The following DNAH9 variants were observed in gnomAD, a reference collection of about 807,000 sequenced individuals.
The protein encoded by DNAH9 is dynein axonemal heavy chain 9.
In DNAH9, 345 loss-of-function variants were observed where a neutral mutation model predicts 471.6. That is an observed-to-expected ratio of 0.73 (90% CI 0.67 to 0.80). The LOEUF is 0.80. Ranked by LOEUF, DNAH9 falls within the 30% of genes least tolerant of loss-of-function variation. The probability of loss-of-function intolerance (pLI) is 0.00; values close to 1 mark genes in which losing one functional copy is unlikely to be tolerated. For missense variants in DNAH9, 5,407 were observed against 5,609.2 expected (o/e 0.96, Z 1.15); for synonymous variants, 2,093 against 2,123.6 (o/e 0.99, Z 0.40).
chr17:11,656,532 C>A (rs1164802518), intron 14 of DNAH9, among the ~76,000 whole-genome samples: 1 of 152,016 alleles, frequency 6.6e-6, no homozygotes, highest in Non-Finnish European at 1.5e-5. Flanking sequence ...GTGGATGCAC[C>A]AGGATTTGAC....
intron 61 of DNAH9, among the ~76,000 whole-genome samples, chr17:11,918,198 G>T (rs1413544848): frequency 6.9e-6 from 1 of 144,938 alleles, no homozygotes; most frequent in Admixed American, 6.9e-5. Flanking sequence ...GTATTTGGTT[G>T]GGTGTTTTTT....
chr17:11,905,475 A>T (rs1042156569), intron 60 of DNAH9, among the ~76,000 whole-genome samples, 186 bp from the exon 61 acceptor site: 1 of 152,190 alleles, frequency 6.6e-6, no homozygotes, highest in Non-Finnish European at 1.5e-5. Flanking sequence ...GCAGCTCGGC[A>T]ACTAGCAGCA....
At chr17:11,891,753 C>T (rs1476050977) in intron 57 of DNAH9, 24 bp from the exon 58 acceptor site, 1 of 1,611,818 alleles carries the variant, frequency 6.2e-7, no homozygotes, top group Non-Finnish European at 8.5e-7. Flanking sequence ...TGTACCTTAC[C>T]AGTTTCCTGT....
At chr17:11,946,565 G>A (rs1422583911) in intron 67 of DNAH9, among the ~76,000 whole-genome samples, 1 of 151,200 alleles carries the variant, frequency 6.6e-6, no homozygotes, top group Non-Finnish European at 1.5e-5. Context: ...TCGGGAGGCT[G>A]AGGCAGGAGA....
intron 9 of DNAH9, 127 bp from the exon 10 acceptor site, chr17:11,640,143 T>A: frequency 1.6e-6 from 1 of 642,286 alleles, no homozygotes. Context: ...AACTCCAGTG[T>A]GCTCCCAGGT....
chr17:11,900,088 C>T (rs1973355905), intron 59 of DNAH9, among the ~76,000 whole-genome samples: 1 of 117,354 alleles, frequency 8.5e-6, no homozygotes, highest in South Asian at 3.4e-4. Flanking sequence ...GACTTGGCCT[C>T]ATTTTCCAAA....
At chr17:11,887,048 A>G in intron 57 of DNAH9, 83 bp downstream of exon 57, 6 of 1,478,730 alleles carry the variant, frequency 4.1e-6, no homozygotes, top group South Asian at 1.4e-5. Flanking sequence ...GAGCTTATCC[A>G]TGTAAGATCA....
At chr17:11,931,965 G>A (rs775812632) in intron 63 of DNAH9, 49 bp from the exon 64 acceptor site, 45 of 1,597,844 alleles carry the variant, frequency 2.8e-5, no homozygotes, top group Admixed American at 5.0e-5. Context: ...AGCCAGCCCC[G>A]TATAAGAGAA....
At chr17:11,606,155 G>A (rs2072499380) in intron 1 of DNAH9, among the ~76,000 whole-genome samples, 1 of 152,056 alleles carries the variant, frequency 6.6e-6, no homozygotes, top group African/African-American at 2.4e-5. Context: ...ATTGTTGTAA[G>A]TTCCCAGCTC....
intron 58 of DNAH9, among the ~76,000 whole-genome samples, chr17:11,893,295 C>A (rs1187329628): frequency 5.9e-5 from 9 of 152,124 alleles, no homozygotes; most frequent in African/African-American, 1.9e-4. Flanking sequence ...CAAGCCTCTG[C>A]TTTTTCCATT....
intron 49 of DNAH9, among the ~76,000 whole-genome samples, chr17:11,837,160 A>G (rs1257180436): frequency 6.6e-6 from 1 of 152,196 alleles, no homozygotes; most frequent in African/African-American, 2.4e-5. Flanking sequence ...ATTTATAAAT[A>G]CTGTTGGTTA....
chr17:11,622,084 C>CAAA (rs34441543), intron 6 of DNAH9, among the ~76,000 whole-genome samples: 4 of 125,038 alleles, frequency 3.2e-5, no homozygotes, highest in Admixed American at 7.8e-5. Flanking sequence ...GACTCCGTCT[C>CAAA]AAAAAAAAAA....
chr17:11,885,405 G>A (rs1972850929), intron 56 of DNAH9, among the ~76,000 whole-genome samples: 1 of 152,216 alleles, frequency 6.6e-6, no homozygotes, highest in South Asian at 2.1e-4. Flanking sequence ...TGTAAACCAT[G>A]CTGGGAAAAT....
At chr17:11,891,575 G>A (rs1316111111) in intron 57 of DNAH9, among the ~76,000 whole-genome samples, 1 of 152,124 alleles carries the variant, frequency 6.6e-6, no homozygotes, top group African/African-American at 2.4e-5. Context: ...ATGTTGGCCA[G>A]GCTGGTCTCA....
intron 36 of DNAH9, among the ~76,000 whole-genome samples, chr17:11,767,165 C>T (rs935580044): frequency 6.6e-6 from 1 of 152,092 alleles, no homozygotes; most frequent in Non-Finnish European, 1.5e-5. Flanking sequence ...AAGGCAGCAT[C>T]GGGGCTGAGG....
chr17:11,911,275 A>C (rs931892596), intron 61 of DNAH9, among the ~76,000 whole-genome samples: 7 of 152,186 alleles, frequency 4.6e-5, no homozygotes, highest in African/African-American at 1.7e-4. Flanking sequence ...TCCCTGCTCC[A>C]TTTGTTGAAA....
rs944446438 is a variant in DNAH9, at chr17:11,902,911, C to T, written c.11599C>T (p.Arg3867Ter). 4 of 1,611,660 alleles carry T rather than the reference C, an allele frequency of 2.5e-6. No homozygotes were observed. Among genetic ancestry groups the T allele is most frequent in the Non-Finnish European group, 3.4e-6 (4 of 1,179,156 alleles). The stretch of plus-strand genomic sequence containing the variant: ...GCCCGACCGGATGACCTATGCTTTG[C>T]GGTAGGAAACAGGGTGGTGGAAGGC... The part of the protein sequence containing the change: ...MRPDRMTYAL[R>*]DFVEEKLGSK... The change falls in exon 60 of 69, where the codon CGA (arginine) becomes TGA (stop). Residue 3867 changes from arginine (R) to a stop codon, truncating the protein, a stop_gained and splice_region_variant. Transcript: ENST00000262442. LOFTEE classifies it high-confidence loss of function.
intron 10 of DNAH9, among the ~76,000 whole-genome samples, chr17:11,642,542 A>G (rs2073296270): frequency 6.6e-6 from 1 of 152,138 alleles, no homozygotes; most frequent in Non-Finnish European, 1.5e-5. Context: ...ACAAGAGCGA[A>G]ACTCCATCTC....
chr17:11,780,170 A>G (rs1419998030), intron 38 of DNAH9, among the ~76,000 whole-genome samples: 1 of 152,210 alleles, frequency 6.6e-6, no homozygotes, highest in African/African-American at 2.4e-5. Context: ...TAATTGAAGA[A>G]ACCACTCCAG....
Sources: gnomAD v4.1 joint callset for allele counts (sites outside exome capture counted in the v4.1 genomes callset) on GRCh38, gnomAD v4.1.1 for gene constraint, MANE v1.5 for transcripts, NCBI Gene and HGNC (gene_info 2026-07-23, HGNC 2026-07-21) for gene names.